The following CSMD1 variants were observed in gnomAD, a reference collection of about 807,000 sequenced individuals.
CSMD1 encodes the protein CUB and sushi domain-containing protein 1.
CSMD1 carries 213 observed loss-of-function variants against 417.5 expected under a neutral mutation model. The observed-to-expected ratio is 0.51, with a 90% CI of 0.46 to 0.57. The LOEUF is 0.57. CSMD1 is among the 20% of genes least tolerant of loss of function. The probability of loss-of-function intolerance (pLI) is 0.00; values close to 1 mark genes in which losing one functional copy is unlikely to be tolerated. For missense variants in CSMD1, 6,923 were observed against 4,529.7 expected, an observed-to-expected ratio of 1.53 and a Z score of -15.17; for synonymous variants, 2,862 against 1,736.8, an observed-to-expected ratio of 1.65 and a Z score of -16.11.
chr8:4,962,998 G>A (rs574855040), intron 1 of CSMD1, among the ~76,000 whole-genome samples: 4 of 152,180 alleles, frequency 2.6e-5, no homozygotes, highest in African/African-American at 4.8e-5. Flanking sequence ...CGCTATATAC[G>A]TATTTTTCAA....
At chr8:3,163,075 C>T (rs990185399) in intron 37 of CSMD1, among the ~76,000 whole-genome samples, 4 of 152,112 alleles carry the variant, frequency 2.6e-5, no homozygotes, top group Non-Finnish European at 5.9e-5. Flanking sequence ...ACAAACTTTC[C>T]ATTATGAGAT....
At chr8:4,929,610 T>C (rs117539663) in intron 1 of CSMD1, among the ~76,000 whole-genome samples, 3 of 152,132 alleles carry the variant, frequency 2.0e-5, no homozygotes, top group Admixed American at 1.3e-4. Flanking sequence ...TACAAATGAT[T>C]TCATCATTTG....
intron 23 of CSMD1, among the ~76,000 whole-genome samples, chr8:3,340,094 T>G (rs2117594298): frequency 6.6e-6 from 1 of 152,330 alleles, no homozygotes; most frequent in East Asian, 1.9e-4. Context: ...TCAATATACT[T>G]GATGCCTGCC....
In CSMD1 at chr8:3,343,565, G is replaced by C. The variant is rs866105130; in HGVS notation, c.3475-115C>G. On this transcript the variant is annotated intron_variant, in intron 22 of 69. Coordinates refer to ENST00000635120, the MANE Select transcript of CSMD1 (RefSeq NM_033225.6). ...GCAGTTTTAAACAATACTTAAAAAGGCATATAGTTTACAGAAAGATAAATG... is the reference window on the plus strand; with the variant it reads ...GCAGTTTTAAACAATACTTAAAAAGCCATATAGTTTACAGAAAGATAAATG... 4.7e-6 allele frequency: 4 copies of C among 851,124 alleles called. No homozygotes were observed. In the Admixed American group the frequency reaches 9.2e-5, roughly 20 times the overall value. The allele number at this position is 851,124 out of a possible 1,614,324, so 52.7% of individuals were successfully genotyped here. A position where few individuals can be genotyped will look rare whatever the true frequency, so the allele number is the denominator to read the frequency against.
rs17069197 is a variant in CSMD1, at chr8:4,167,590, T to C, written c.416-135491A>G. On this transcript the variant is annotated intron_variant, in intron 3 of 69. Coordinates refer to ENST00000635120, the MANE Select transcript of CSMD1 (RefSeq NM_033225.6). ...GCAAAAATTCAACCATTTAAGGATA[T>C]GCAAATGGCAGAAAAAAGGATATGT... Among the ~76,000 whole-genome samples the C allele has an allele frequency of 5.9e-5, 9 of 152,276 alleles. No individual in the cohort carries two copies. In the East Asian group the frequency reaches 1.7e-3, roughly 29 times the overall value.
At chr8:4,096,711 A>C (rs561248871) in intron 3 of CSMD1, among the ~76,000 whole-genome samples, 1 of 152,238 alleles carries the variant, frequency 6.6e-6, no homozygotes, top group South Asian at 2.1e-4. Context: ...TCACTAATCC[A>C]TAGGTAATCA....
At chr8:3,890,341 C>T (rs1332752848) in intron 5 of CSMD1, among the ~76,000 whole-genome samples, 1 of 152,068 alleles carries the variant, frequency 6.6e-6, no homozygotes, top group East Asian at 1.9e-4. Context: ...ATTCAACAGG[C>T]ACTGGGCAGG....
Position 4,160,026 on chromosome 8 carries a change from A to G in CSMD1, c.416-127927T>C, listed in dbSNP as rs181728539. Among the ~76,000 whole-genome samples, 1,436 of 152,188 alleles carry G rather than the reference A, an allele frequency of 9.4e-3. 24 individuals carry two copies. Among genetic ancestry groups the G allele is most frequent in the African/African-American group, 0.033 (1,361 of 41,492 alleles). ...GGTGATGGGTGCACCAAAATTTCAG[A>G]AATCACCAAAGAACTTTCATGTAAC... On this transcript the variant is annotated intron_variant, in intron 3 of 69. Coordinates refer to ENST00000635120, the MANE Select transcript of CSMD1 (RefSeq NM_033225.6).
chr8:4,008,673 C>G (rs1278697905), intron 4 of CSMD1, among the ~76,000 whole-genome samples: 1 of 123,526 alleles, frequency 8.1e-6, no homozygotes, highest in Admixed American at 1.1e-4. Flanking sequence ...TGCAGTGGTG[C>G]GATCTCAGGT....
intron 5 of CSMD1, among the ~76,000 whole-genome samples, chr8:3,960,418 T>C (rs778395281): frequency 1.3e-5 from 2 of 152,182 alleles, no homozygotes; most frequent in Non-Finnish European, 2.9e-5. Flanking sequence ...GAAGACTAGA[T>C]AGTCCCTCAA....
chr8:4,391,226 G>C (rs970286285), intron 3 of CSMD1, among the ~76,000 whole-genome samples: 4 of 152,130 alleles, frequency 2.6e-5, no homozygotes, highest in Non-Finnish European at 5.9e-5. Context: ...AAGAAGCACT[G>C]TGTGCAAAGA....
At chr8:4,979,715 T>C (rs757283784) in intron 1 of CSMD1, among the ~76,000 whole-genome samples, 5 of 152,306 alleles carry the variant, frequency 3.3e-5, no homozygotes, top group Non-Finnish European at 4.4e-5. Context: ...GTGACAAATA[T>C]ACAGATCAAA....
At chr8:3,339,700 T>C (rs1396192103) in intron 23 of CSMD1, among the ~76,000 whole-genome samples, 2 of 152,184 alleles carry the variant, frequency 1.3e-5, no homozygotes, top group African/African-American at 4.8e-5. Flanking sequence ...GGACCCTCAG[T>C]GTCACCAGGG....
chr8:4,541,527 T>C (rs559041257), intron 2 of CSMD1, among the ~76,000 whole-genome samples: 1 of 151,946 alleles, frequency 6.6e-6, no homozygotes. Context: ...CTGGGCCTAT[T>C]GCTTGAGGTC....
intron 3 of CSMD1, among the ~76,000 whole-genome samples, chr8:4,136,331 T>A (rs1418642042): frequency 6.6e-6 from 1 of 152,160 alleles, no homozygotes; most frequent in Non-Finnish European, 1.5e-5. Context: ...TCTTGATCTG[T>A]TAGTGATAAT....
At chr8:3,869,676 G>A (rs1286696541) in intron 5 of CSMD1, among the ~76,000 whole-genome samples, 1 of 152,090 alleles carries the variant, frequency 6.6e-6, no homozygotes, top group African/African-American at 2.4e-5. Context: ...AGGAGGAAAG[G>A]TGCACAGGTG....
chr8:3,367,296 G>C, intron 19 of CSMD1, 49 bp from the exon 20 acceptor site: 5 of 1,299,630 alleles, frequency 3.8e-6, no homozygotes, highest in Non-Finnish European at 3.3e-6. Flanking sequence ...AGAGACACAC[G>C]GGGCGGCGGG....
At chr8:3,885,778 T>A (rs1043486289) in intron 5 of CSMD1, among the ~76,000 whole-genome samples, 1 of 152,186 alleles carries the variant, frequency 6.6e-6, no homozygotes, top group African/African-American at 2.4e-5. Context: ...AGTTTATTTA[T>A]GACAGAAAGC....
chr8:4,638,808 G>A (rs1235060929), intron 1 of CSMD1, among the ~76,000 whole-genome samples: 1 of 152,188 alleles, frequency 6.6e-6, no homozygotes, highest in Non-Finnish European at 1.5e-5. Flanking sequence ...GCAATTGAGT[G>A]CCACAAAGCC....
Sources: gnomAD v4.1 joint callset for allele counts (sites outside exome capture counted in the v4.1 genomes callset) on GRCh38, gnomAD v4.1.1 for gene constraint, MANE v1.5 for transcripts, NCBI Gene and HGNC (gene_info 2026-07-23, HGNC 2026-07-21) for gene names.